The following CLTCL1 variants were observed in gnomAD, a reference collection of about 807,000 sequenced individuals.
CLTCL1 encodes clathrin heavy chain 2.
Under a neutral mutation model 190.0 loss-of-function variants are expected in CLTCL1, and 159 were observed. That is an observed-to-expected ratio of 0.84 (90% CI 0.74 to 0.95). The LOEUF is 0.95. Among genes scored for constraint, CLTCL1 ranks in the 40% least tolerant of loss-of-function variants. CLTCL1 has a pLI of 0.00. For synonymous variants in CLTCL1, 752 were observed against 769.6 expected (o/e 0.98, Z 0.38); for missense variants, 1,878 against 2,033.4 (o/e 0.92, Z 1.47).
In CLTCL1 at chr22:19,234,785, C is replaced by T. The variant is rs2086027896; in HGVS notation, c.970-79G>A. Reference sequence around the variant, plus strand: ...CCCTCTGCCATGTTCCCTTCCGATGCTGGAGTGGTAGCCACATTCTCAGGC... The same window carrying T: ...CCCTCTGCCATGTTCCCTTCCGATGTTGGAGTGGTAGCCACATTCTCAGGC... On this transcript the variant is annotated intron_variant, in intron 6 of 32. Coordinates refer to ENST00000427926, the MANE Select transcript of CLTCL1 (RefSeq NM_007098.4). 4.0e-6 allele frequency: 5 copies of T among 1,250,668 alleles called. No individual in the cohort carries two copies. The East Asian group carries it at 1.2e-4, about 29-fold the overall frequency. 77.5% of individuals were successfully genotyped at this position (1,250,668 alleles called of 1,614,324 possible).
chr22:19,262,651 C>T lies in CLTCL1; in HGVS notation c.251-8424G>A, dbSNP rs2086989649. Among the ~76,000 whole-genome samples the T allele has an allele frequency of 2.7e-5, 4 of 150,240 alleles. No homozygotes were observed. The South Asian group carries it at 8.5e-4, about 32-fold the overall frequency. Reference sequence around the variant, plus strand: ...TGTCTCAAAAAAAAAAAAAAAATTGCCACAGCCACTCCAGCCTTCAGCCAC... The same window carrying T: ...TGTCTCAAAAAAAAAAAAAAAATTGTCACAGCCACTCCAGCCTTCAGCCAC... On this transcript the variant is annotated intron_variant, in intron 2 of 32. Coordinates refer to ENST00000427926, the MANE Select transcript of CLTCL1 (RefSeq NM_007098.4).
At position 19,196,726 on chromosome 22, in the gene CLTCL1, C is replaced by T. The variant is rs189884682; in HGVS notation, c.3874-70G>A. On this transcript the variant is annotated intron_variant, in intron 24 of 32. Coordinates refer to ENST00000427926, the MANE Select transcript of CLTCL1 (RefSeq NM_007098.4). ...TCCTGCAGCCACCCTCCAGCCCATG[C>T]CCACGCCGCAGGGACTGTGCTTGTG... The T allele has an allele frequency of 1.2e-4, 180 of 1,527,612 alleles. No homozygotes were observed. In the African/African-American group the frequency reaches 2.2e-3, roughly 19 times the overall value. 94.6% of individuals were successfully genotyped at this position (1,527,612 alleles called of 1,614,324 possible).
At chr22:19,243,869 T>C (rs2086337975) in intron 3 of CLTCL1, among the ~76,000 whole-genome samples, 1 of 152,038 alleles carries the variant, frequency 6.6e-6, no homozygotes, top group African/African-American at 2.4e-5. Flanking sequence ...GGCTAATTTT[T>C]TGTATTTTTA....
chr22:19,212,603 G>A (rs928859487), intron 19 of CLTCL1, among the ~76,000 whole-genome samples: 4 of 139,978 alleles, frequency 2.9e-5, no homozygotes, highest in East Asian at 4.2e-4. Context: ...AAGAAAGAAA[G>A]GAAGGAAGGA....
chr22:19,207,010 ATTTTTTTTTT>A (rs781980213), intron 22 of CLTCL1, among the ~76,000 whole-genome samples: 2 of 92,784 alleles, frequency 2.2e-5, no homozygotes, highest in Admixed American at 1.4e-4. Flanking sequence ...TAAACTACTA[ATTTTTTTTTT>A]TTTTTTTTTT....
intron 11 of CLTCL1, among the ~76,000 whole-genome samples, chr22:19,227,656 T>C (rs1048196085): frequency 2.6e-5 from 4 of 152,104 alleles, no homozygotes; most frequent in South Asian, 2.1e-4. Flanking sequence ...GGTTTCACCA[T>C]GTTGGCCAGG....
At chr22:19,291,267 C>A (rs754039429) in intron 1 of CLTCL1, among the ~76,000 whole-genome samples, 50 of 152,320 alleles carry the variant, frequency 3.3e-4, no homozygotes, top group Non-Finnish European at 6.6e-4. Context: ...GCTGTGGGAT[C>A]CGCGCGGCCC....
intron 1 of CLTCL1, among the ~76,000 whole-genome samples, chr22:19,280,688 G>A (rs111650793): frequency 0.022 from 3,296 of 151,444 alleles, 113 homozygotes; most frequent in African/African-American, 0.074. Context: ...GCATAGTGGC[G>A]GGCGCCTGTA....
chr22:19,235,801 C>T lies in CLTCL1; in HGVS notation c.864G>A (p.Glu288=), dbSNP rs782145475. 123 of 1,613,856 alleles carry T rather than the reference C, an allele frequency of 7.6e-5. No individual in the cohort carries two copies. Among genetic ancestry groups the T allele is most frequent in the Non-Finnish European group, 9.0e-5 (106 of 1,179,882 alleles). Residue 288 remains glutamate (E), a synonymous_variant, in exon 6 of 33, where the codon GAG becomes GAA. Transcript: ENST00000427926. ...KYGYLHLYDL[E]SGVCICMNRI... is the part of the protein sequence containing the mutation. Reference sequence around the variant, plus strand: ...GGTTCATGCAGATGCACACGCCAGACTCTAGGTCGTACAGATGAAGATAGC... The same window carrying T: ...GGTTCATGCAGATGCACACGCCAGATTCTAGGTCGTACAGATGAAGATAGC...
chr22:19,258,485 C>A (rs954481460), intron 2 of CLTCL1: 3 of 480,638 alleles, frequency 6.2e-6, no homozygotes, highest in South Asian at 5.3e-5. Context: ...TGGAGAACAG[C>A]CTAAGGGAGG....
At chr22:19,190,754 G>A (rs2146243428) in intron 27 of CLTCL1, among the ~76,000 whole-genome samples, 1 of 151,970 alleles carries the variant, frequency 6.6e-6, no homozygotes, top group Non-Finnish European at 1.5e-5. Context: ...CTTTCTCAAT[G>A]CAGGGTTACA....
At chr22:19,257,630 T>C (rs1471850028) in intron 2 of CLTCL1, 1 of 427,276 alleles carries the variant, frequency 2.3e-6, no homozygotes, top group Admixed American at 3.2e-5. Context: ...CCGGCATCTA[T>C]GCAGATGTAA....
In CLTCL1 at chr22:19,216,231, G is replaced by GT; in HGVS notation, c.2944dup (p.Thr982AsnfsTer5). The GT allele has an allele frequency of 6.2e-7, 1 of 1,613,944 alleles. No homozygotes were observed. The highest frequency in any genetic ancestry group is 8.5e-7 in the Non-Finnish European group (1 of 1,179,874). On this transcript the variant is annotated frameshift_variant, in exon 19 of 33. Transcript: ENST00000427926. LOFTEE classifies it high-confidence loss of function. The stretch of plus-strand genomic sequence containing the variant: ...GACCGAAATCTCTTCAGGATCCCGT[G>GT]TTTCTGACAATGCTGTCTGTACCAC...
At chr22:19,181,027 C>T (rs569689495) in intron 30 of CLTCL1, 77 of 563,976 alleles carry the variant, frequency 1.4e-4, no homozygotes, top group South Asian at 1.1e-3. Flanking sequence ...TGAGATGGAA[C>T]GCCAGGTGGG....
intron 5 of CLTCL1, chr22:19,238,617 T>A (rs1384127972): frequency 4.9e-6 from 1 of 204,882 alleles, no homozygotes; most frequent in African/African-American, 2.3e-5. Flanking sequence ...CACGAACTCC[T>A]CGAAGTCTGG....
intron 3 of CLTCL1, among the ~76,000 whole-genome samples, chr22:19,243,802 A>T (rs2086334587): frequency 7.1e-6 from 1 of 141,384 alleles, no homozygotes; most frequent in South Asian, 2.2e-4. Context: ...GGTTCACGCC[A>T]TTCTCCTGCC....
rs782578580 is a variant in CLTCL1, at chr22:19,208,149, C to T, written c.3600+5G>A. ...AGTGCACAGCCCCCAGGGGGCATGGCCTACCTGCTGGATGTGGGCATTGTT... is the reference window on the plus strand; with the variant it reads ...AGTGCACAGCCCCCAGGGGGCATGGTCTACCTGCTGGATGTGGGCATTGTT... On this transcript the variant is annotated splice_donor_5th_base_variant and intron_variant, in intron 22 of 32. Transcript: ENST00000427926. The T allele has an allele frequency of 1.2e-5, 20 of 1,613,712 alleles. No homozygotes were observed. The highest frequency in any genetic ancestry group is 1.7e-5 in the Non-Finnish European group (20 of 1,179,892).
In CLTCL1 at chr22:19,208,233, A is replaced by G. The variant is rs782375767; in HGVS notation, c.3521T>C (p.Ile1174Thr). 179 of 1,613,752 alleles carry G rather than the reference A, an allele frequency of 1.1e-4. No individual in the cohort carries two copies. Among genetic ancestry groups the G allele is most frequent in the Non-Finnish European group, 1.4e-4 (170 of 1,179,902 alleles). Residue 1174 changes from isoleucine (I) to threonine (T), a missense_variant, in exon 22 of 33, where the codon ATT (isoleucine) becomes ACT (threonine). Physicochemically the swap from Ile to Thr is moderately conservative, Grantham distance 89. Coordinates refer to ENST00000427926, the MANE Select transcript of CLTCL1 (RefSeq NM_007098.4). ...GRESYIETEL[I>T]FALAKTSRVS... ...ACGGCTGGTTTTAGCCAAGGCAAAAATAAGTTCAGTCTCTATATAGGACTC... is the reference window on the plus strand; with the variant it reads ...ACGGCTGGTTTTAGCCAAGGCAAAAGTAAGTTCAGTCTCTATATAGGACTC...
intron 19 of CLTCL1, among the ~76,000 whole-genome samples, chr22:19,211,766 C>CAAAA (rs66494838): frequency 4.7e-5 from 2 of 42,728 alleles, no homozygotes; most frequent in Admixed American, 2.7e-4. Context: ...GATTGCATCT[C>CAAAA]AAAAAAAAAA....
Sources: gnomAD v4.1 joint callset for allele counts (sites outside exome capture counted in the v4.1 genomes callset) on GRCh38, gnomAD v4.1.1 for gene constraint, MANE v1.5 for transcripts, NCBI Gene and HGNC (gene_info 2026-07-23, HGNC 2026-07-21) for gene names.